STK3: variants seen among roughly 807,000 people sequenced by gnomAD.
STK3 encodes the protein serine/threonine-protein kinase 3.
STK3 carries 41 observed loss-of-function variants against 58.0 expected under a neutral mutation model. That is an observed-to-expected ratio of 0.71 (90% CI 0.55 to 0.92). The LOEUF (loss-of-function observed/expected upper bound fraction) is 0.92, where lower values mean the gene tolerates loss of function less well. STK3 is among the 40% of genes least tolerant of loss of function. The pLI is 0.00. For missense variants in STK3, 479 were observed against 602.7 expected (o/e 0.79, Z 2.15); for synonymous variants, 170 against 191.0 (o/e 0.89, Z 0.91).
At chr8:98,631,945 G>A (rs934751669) in intron 6 of STK3, among the ~76,000 whole-genome samples, 5 of 152,244 alleles carry the variant, frequency 3.3e-5, no homozygotes, top group Non-Finnish European at 5.9e-5. Context: ...GATTACAGGC[G>A]TGGGCCACTG....
At chr8:98,763,644 C>T (rs1381039539) in intron 3 of STK3, among the ~76,000 whole-genome samples, 1 of 151,896 alleles carries the variant, frequency 6.6e-6, no homozygotes, top group Non-Finnish European at 1.5e-5. Context: ...CTAAGTTTCT[C>T]CCTGTCATTT....
chr8:98,517,822 A>C (rs973047396), intron 10 of STK3, among the ~76,000 whole-genome samples: 1 of 152,078 alleles, frequency 6.6e-6, no homozygotes, highest in African/African-American at 2.4e-5. Context: ...CTTTGATCCT[A>C]AATTCCACTA....
intron 5 of STK3, among the ~76,000 whole-genome samples, 153 bp from the exon 6 acceptor site, chr8:98,706,787 A>G (rs1156884506): frequency 6.6e-6 from 1 of 152,212 alleles, no homozygotes; most frequent in Non-Finnish European, 1.5e-5. Flanking sequence ...GTTATGACAT[A>G]CTTAGGAATT....
chr8:98,857,980 AT>A (rs1180923144), intron 3 of STK3, among the ~76,000 whole-genome samples: 3 of 152,146 alleles, frequency 2.0e-5, no homozygotes, highest in Non-Finnish European at 4.4e-5. Context: ...GAAAAATATG[AT>A]AATTTTGATA....
intron 1 of STK3, among the ~76,000 whole-genome samples, chr8:98,801,531 A>C (rs1276629238): frequency 6.6e-6 from 1 of 151,952 alleles, no homozygotes; most frequent in African/African-American, 2.4e-5. Flanking sequence ...CCATGAACCC[A>C]CCGGGAGGAA....
chr8:98,474,443 C>G (rs745453068), intron 10 of STK3, among the ~76,000 whole-genome samples: 4 of 152,192 alleles, frequency 2.6e-5, no homozygotes, highest in Non-Finnish European at 4.4e-5. Context: ...AGCCATTACT[C>G]CTATGTTTCC....
At chr8:98,622,463 T>C (rs1201048621) in intron 6 of STK3, among the ~76,000 whole-genome samples, 3 of 152,234 alleles carry the variant, frequency 2.0e-5, no homozygotes, top group Non-Finnish European at 4.4e-5. Context: ...CAAAGCAATC[T>C]AAAAGTAACA....
At chr8:98,552,934 C>CT (rs1811293844) in intron 8 of STK3, among the ~76,000 whole-genome samples, 1 of 152,110 alleles carries the variant, frequency 6.6e-6, no homozygotes, top group Admixed American at 6.6e-5. Context: ...AATTCCATTT[C>CT]AGTTTTTAGG....
chr8:98,369,977 C>T (rs1307067535), downstream of STK3, among the ~76,000 whole-genome samples: 1 of 151,844 alleles, frequency 6.6e-6, no homozygotes, highest in Non-Finnish European at 1.5e-5. Flanking sequence ...TCAATTCCTG[C>T]TAGTGCTAAA....
At chr8:98,894,069 T>C (rs1316179508) in intron 1 of STK3, among the ~76,000 whole-genome samples, 1 of 152,214 alleles carries the variant, frequency 6.6e-6, no homozygotes, top group Non-Finnish European at 1.5e-5. Context: ...CACCCGGTGA[T>C]GTTTCTGGGC....
At chr8:98,533,320 T>A (rs998005913) in intron 9 of STK3, among the ~76,000 whole-genome samples, 5 of 152,194 alleles carry the variant, frequency 3.3e-5, no homozygotes, top group Non-Finnish European at 5.9e-5. Context: ...AGAGGCCTTT[T>A]TTGCTTTCTA....
Position 98,455,748 on chromosome 8 carries a change from G to A in STK3, c.*94C>T. On this transcript the variant is annotated 3_prime_UTR_variant, in exon 11 of 11. Transcript: ENST00000419617. ...TTTTTGACCTCTGCCTAATTGTAGG[G>A]CAAAATCTTAGGATTAAAAATATCC... The A allele has an allele frequency of 2.0e-6, 3 of 1,491,416 alleles. No homozygotes were observed. Among genetic ancestry groups the A allele is most frequent in the Non-Finnish European group, 2.7e-6 (3 of 1,104,926 alleles). 92.4% of individuals were successfully genotyped at this position (1,491,416 alleles called of 1,614,324 possible). A position where few individuals can be genotyped will look rare whatever the true frequency, so the allele number is the denominator to read the frequency against.
At chr8:98,443,411 A>G (rs1818771595) in intron 1 of STK3, among the ~76,000 whole-genome samples, 1 of 152,176 alleles carries the variant, frequency 6.6e-6, no homozygotes, top group African/African-American at 2.4e-5. Flanking sequence ...ATCTATGTTC[A>G]TGAGTTTGCT....
At chr8:98,743,970 A>G (rs1215135216) in intron 4 of STK3, among the ~76,000 whole-genome samples, 1 of 152,202 alleles carries the variant, frequency 6.6e-6, no homozygotes, top group African/African-American at 2.4e-5. Flanking sequence ...GCCAAAAAAC[A>G]CATGAGAAAA....
chr8:98,872,555 A>G (rs747209510), intron 3 of STK3, among the ~76,000 whole-genome samples: 11 of 152,070 alleles, frequency 7.2e-5, no homozygotes, highest in African/African-American at 9.7e-5. Context: ...ACTTCTTCCC[A>G]GTTTAGTCTT....
chr8:98,766,916 A>G (rs963506814), intron 3 of STK3, among the ~76,000 whole-genome samples: 5 of 152,296 alleles, frequency 3.3e-5, no homozygotes, highest in African/African-American at 9.6e-5. Flanking sequence ...TGAGGTCAGG[A>G]GTTCGAGATC....
intron 1 of STK3, among the ~76,000 whole-genome samples, chr8:98,895,398 G>A (rs376122819): frequency 1.3e-5 from 2 of 152,046 alleles, no homozygotes; most frequent in African/African-American, 2.4e-5. Flanking sequence ...CTAAAATTTT[G>A]TCTATGTATC....
At chr8:98,854,102 T>C (rs1836578999) in intron 3 of STK3, among the ~76,000 whole-genome samples, 1 of 152,022 alleles carries the variant, frequency 6.6e-6, no homozygotes, top group Non-Finnish European at 1.5e-5. Context: ...TAAAAGACAT[T>C]GAGATTGGAA....
intron 1 of STK3, among the ~76,000 whole-genome samples, chr8:98,808,532 T>C (rs1442606735): frequency 1.3e-5 from 2 of 152,246 alleles, no homozygotes; most frequent in Non-Finnish European, 1.5e-5. Context: ...TATGATTGGC[T>C]AAAGGCTTTT....
Sources: allele counts gnomAD v4.1 joint callset (sites outside exome capture counted in the v4.1 genomes callset), GRCh38; gene constraint gnomAD v4.1.1; transcripts MANE v1.5; gene names NCBI Gene and HGNC (gene_info 2026-07-23, HGNC 2026-07-21).